Variants in DISP1 observed in about 807,000 individuals in gnomAD.
DISP1 encodes dispatched RND transporter family member 1, also known as protein dispatched homolog 1.
Under a neutral mutation model 37.3 loss-of-function variants are expected in DISP1, and 30 were observed. That is an observed-to-expected ratio of 0.80 (90% CI 0.60 to 1.09). The LOEUF is 1.09. Among genes scored for constraint, DISP1 ranks in the 50% least tolerant of loss-of-function variants. The pLI, the probability that DISP1 is intolerant of heterozygous loss-of-function variation, is 0.00. For missense variants in DISP1, 1,598 were observed against 1,879.5 expected (o/e 0.85, Z 2.77); for synonymous variants, 634 against 690.2 (o/e 0.92, Z 1.28).
intron 1 of DISP1, among the ~76,000 whole-genome samples, chr1:222,894,909 T>G (rs1242747955): frequency 6.6e-6 from 1 of 152,230 alleles, no homozygotes; most frequent in Non-Finnish European, 1.5e-5. Flanking sequence ...TTGAGAATTC[T>G]TGTAGATTCC....
intron 1 of DISP1, among the ~76,000 whole-genome samples, chr1:222,906,269 T>TA (rs1671881994): frequency 6.6e-6 from 1 of 152,226 alleles, no homozygotes; most frequent in African/African-American, 2.4e-5. Flanking sequence ...AACAGATTCA[T>TA]GGCGTATTTA....
At chr1:222,897,645 G>T (rs538278532) in intron 1 of DISP1, among the ~76,000 whole-genome samples, 1 of 152,218 alleles carries the variant, frequency 6.6e-6, no homozygotes, top group South Asian at 2.1e-4. Flanking sequence ...GCAATTCAAT[G>T]AACCTGTCAT....
intron 2 of DISP1, among the ~76,000 whole-genome samples, chr1:222,929,699 G>A (rs1673279992): frequency 6.6e-6 from 1 of 151,894 alleles, no homozygotes; most frequent in South Asian, 2.1e-4. Flanking sequence ...TGCTTCCCAT[G>A]GTTTTAATAT....
At chr1:222,867,380 T>C (rs1047613130) in intron 1 of DISP1, among the ~76,000 whole-genome samples, 1 of 152,214 alleles carries the variant, frequency 6.6e-6, no homozygotes, top group African/African-American at 2.4e-5. Context: ...ATTCTTTGTC[T>C]GTACATAGGT....
At chr1:222,934,441 T>C (rs1673592958) in intron 2 of DISP1, among the ~76,000 whole-genome samples, 1 of 152,108 alleles carries the variant, frequency 6.6e-6, no homozygotes, top group Non-Finnish European at 1.5e-5. Context: ...GTAGCCCCAC[T>C]ATAGTTCTTT....
At chr1:222,997,702 G>GT (rs1255898022) in intron 8 of DISP1, among the ~76,000 whole-genome samples, 1 of 152,196 alleles carries the variant, frequency 6.6e-6, no homozygotes, top group East Asian at 1.9e-4. Flanking sequence ...ACAGCTGTGA[G>GT]TTTAAGTTTG....
At chr1:222,837,620 A>C (rs1667321588) in intron 1 of DISP1, among the ~76,000 whole-genome samples, 1 of 152,228 alleles carries the variant, frequency 6.6e-6, no homozygotes. Context: ...CAGTGGATTT[A>C]AGAAAAATAA....
Position 222,943,783 on chromosome 1 carries a change from C to G in DISP1, c.509+451C>G, listed in dbSNP as rs149657131. Among the ~76,000 whole-genome samples the G allele has an allele frequency of 8.1e-3, 1,228 of 152,262 alleles. 14 individuals carry two copies. Among genetic ancestry groups the G allele is most frequent in the African/African-American group, 0.028 (1,151 of 41,540 alleles). On this transcript the variant is annotated intron_variant, in intron 3 of 8. Transcript: ENST00000675850. ...GTGGCTCATGCCTGTAATCCCAGCACTTTGGGAGGCCGAGGCAGGCGGATC... is the reference window on the plus strand; with the variant it reads ...GTGGCTCATGCCTGTAATCCCAGCAGTTTGGGAGGCCGAGGCAGGCGGATC...
Position 223,002,493 on chromosome 1 carries a change from T to C in DISP1, c.1096T>C (p.Ser366Pro). Residue 366 changes from serine to proline, a missense_variant, in exon 9 of 9, where the codon TCC (serine) becomes CCC (proline). Physicochemically the swap from Ser to Pro is moderately conservative, Grantham distance 74. Coordinates refer to ENST00000675850, the MANE Select transcript of DISP1 (RefSeq NM_001377229.1). The part of the protein sequence containing the change: ...NYIAILNNRS[S>P]CQKIVERDVS... ...CATCGCCATTCTGAACAATAGATCG[T>C]CCTGTCAGAAAATAGTTGAGCGAGA... 6.2e-7 allele frequency: 1 copy of C among 1,614,130 alleles called. No individual in the cohort carries two copies. Among genetic ancestry groups the C allele is most frequent in the Non-Finnish European group, 8.5e-7 (1 of 1,180,014 alleles).
chr1:222,875,223 G>A (rs1255297303), intron 1 of DISP1, among the ~76,000 whole-genome samples: 1 of 151,966 alleles, frequency 6.6e-6, no homozygotes, highest in Non-Finnish European at 1.5e-5. Flanking sequence ...TGAGGCAGGA[G>A]AATCACTTGA....
At chr1:222,934,108 A>G (rs1673569256) in intron 2 of DISP1, among the ~76,000 whole-genome samples, 1 of 152,080 alleles carries the variant, frequency 6.6e-6, no homozygotes, top group South Asian at 2.1e-4. Context: ...TTTCATGTGG[A>G]CCTTCAGACA....
At chr1:222,879,798 C>T (rs1298643730) in intron 1 of DISP1, among the ~76,000 whole-genome samples, 2 of 152,078 alleles carry the variant, frequency 1.3e-5, no homozygotes, top group Non-Finnish European at 2.9e-5. Context: ...TTTAATTTCT[C>T]TACTAATCAA....
At chr1:222,887,486 GTTTTTT>G (rs940346379) in intron 1 of DISP1, among the ~76,000 whole-genome samples, 2 of 83,100 alleles carry the variant, frequency 2.4e-5, no homozygotes, top group South Asian at 4.5e-4. Flanking sequence ...CATTGTTTTT[GTTTTTT>G]TTTTTTTTTT....
intron 4 of DISP1, among the ~76,000 whole-genome samples, chr1:222,986,164 T>A (rs1189962887): frequency 1.3e-5 from 2 of 152,044 alleles, no homozygotes; most frequent in Non-Finnish European, 2.9e-5. Flanking sequence ...AGCCAGGCTA[T>A]AAGGGGTTAA....
At chr1:222,936,897 T>TATATATAATATA (rs1491542918) in intron 2 of DISP1, among the ~76,000 whole-genome samples, 958 of 40,992 alleles carry the variant, frequency 0.023, 16 homozygotes, top group Non-Finnish European at 0.038. Context: ...TAATATATTA[T>TATATATAATATA]TTATATATAA....
intron 1 of DISP1, among the ~76,000 whole-genome samples, chr1:222,839,162 G>A (rs571657714): frequency 3.3e-5 from 5 of 152,254 alleles, no homozygotes; most frequent in Admixed American, 6.5e-5. Context: ...GAACTGGGCC[G>A]CACAGCAGAA....
intron 1 of DISP1, among the ~76,000 whole-genome samples, chr1:222,906,835 T>G (rs1032441577): frequency 1.3e-5 from 2 of 152,236 alleles, no homozygotes; most frequent in African/African-American, 4.8e-5. Context: ...TAAACTTGCT[T>G]TCATTTTGCT....
chr1:222,897,610 G>A (rs2789978), intron 1 of DISP1, among the ~76,000 whole-genome samples: 26,685 of 152,030 alleles, frequency 0.18, 2,720 homozygotes, highest in Admixed American at 0.28. Flanking sequence ...GTATTTCTAG[G>A]ATACTTTATT....
chr1:222,918,182 C>G (rs1672601646), intron 1 of DISP1, among the ~76,000 whole-genome samples: 6 of 152,164 alleles, frequency 3.9e-5, no homozygotes. Context: ...AATTCTGTTT[C>G]AGGGGTGGGT....
Sources: gnomAD v4.1 joint callset for allele counts (sites outside exome capture counted in the v4.1 genomes callset) on GRCh38, gnomAD v4.1.1 for gene constraint, MANE v1.5 for transcripts, NCBI Gene and HGNC (gene_info 2026-07-23, HGNC 2026-07-21) for gene names.